ZNF727: variants seen among roughly 807,000 people sequenced by gnomAD.
The protein encoded by ZNF727 is putative zinc finger protein 727.
In ZNF727, 11 loss-of-function variants were observed where a neutral mutation model predicts 11.5. The observed-to-expected ratio is 0.95, with a 90% CI of 0.60 to 1.58. The LOEUF (loss-of-function observed/expected upper bound fraction) is 1.58, where lower values mean the gene tolerates loss of function less well. Ranked by LOEUF, ZNF727 falls within the 40% of genes most tolerant of loss-of-function variation. The pLI is 0.00. For synonymous variants in ZNF727, 171 were observed against 196.1 expected (o/e 0.87, Z 1.07); for missense variants, 533 against 581.7 (o/e 0.92, Z 0.86).
chr7:64,070,450 ATG>A (rs756292112), intron 3 of ZNF727, among the ~76,000 whole-genome samples: 8 of 19,316 alleles, frequency 4.1e-4, no homozygotes, highest in Non-Finnish European at 8.9e-4. Flanking sequence ...GTATATAAAC[ATG>A]TGTATATATG....
intron 1 of ZNF727, among the ~76,000 whole-genome samples, chr7:64,058,371 A>G (rs191160546): frequency 1.7e-3 from 253 of 152,272 alleles, no homozygotes; most frequent in African/African-American, 5.7e-3. Flanking sequence ...CATGCACACT[A>G]TATAATAATT....
At chr7:64,068,787 G>A (rs1789910827) in intron 1 of ZNF727, 104 bp from the exon 2 acceptor site, 13 of 1,311,846 alleles carry the variant, frequency 9.9e-6, no homozygotes, top group Non-Finnish European at 1.4e-5. Flanking sequence ...GATAACTCCA[G>A]TAACTCATAT....
intron 1 of ZNF727, among the ~76,000 whole-genome samples, chr7:64,068,180 C>G (rs537671413): frequency 2.2e-4 from 33 of 152,106 alleles, no homozygotes; most frequent in Middle Eastern, 3.4e-3. Flanking sequence ...TTTTTTCACT[C>G]GAGTTAATTA....
chr7:64,064,894 T>C (rs558777206), intron 1 of ZNF727, among the ~76,000 whole-genome samples: 1 of 152,326 alleles, frequency 6.6e-6, no homozygotes, highest in African/African-American at 2.4e-5. Flanking sequence ...CCATGGATTT[T>C]CTGCCTCTGC....
rs375313641 is a variant in ZNF727, at chr7:64,077,835, C to G, written c.786C>G (p.His262Gln). ...GACCCTACAAATGCGAAGAATGTCA[C>G]AAAGCCTTTAGGTGTTGCTCAGACC... ...GDRPYKCEEC[H>Q]KAFRCCSDLT... is the part of the protein sequence containing the mutation. The change falls in exon 4 of 4, where the codon CAC (histidine) becomes CAG (glutamine). Residue 262 changes from histidine to glutamine, a missense_variant. Transcript: ENST00000456806. The G allele has an allele frequency of 1.2e-4, 180 of 1,564,838 alleles. No homozygotes were observed. The African/African-American group carries it at 2.3e-3, about 20-fold the overall frequency.
Position 64,079,189 on chromosome 7 carries a change from G to A in ZNF727, c.*640G>A, listed in dbSNP as rs374213801. On this transcript the variant is annotated 3_prime_UTR_variant, in exon 4 of 4. Coordinates refer to ENST00000456806, the MANE Select transcript of ZNF727 (RefSeq NM_001159522.3). ...AAGAATGTGGCAAAGTATTGAGCTC[G>A]TTCTCACACGTCATTAGACATAAGA... Among the ~76,000 whole-genome samples, 6 of 152,188 alleles carry A rather than the reference G, an allele frequency of 3.9e-5. No individual in the cohort carries two copies. The East Asian group carries it at 7.7e-4, about 20-fold the overall frequency.
At chr7:64,069,754 A>G (rs1019044986) in intron 3 of ZNF727, 145 bp downstream of exon 3, 53 of 689,374 alleles carry the variant, frequency 7.7e-5, no homozygotes, top group Admixed American at 2.1e-4. Flanking sequence ...TTGCTTTAAC[A>G]TAGGGGAATT....
chr7:64,045,726 C>A, intron 1 of ZNF727, 102 bp downstream of exon 1: 1 of 1,453,778 alleles, frequency 6.9e-7, no homozygotes, highest in Non-Finnish European at 9.4e-7. Context: ...AGCTCTGCAG[C>A]AGCTCCGAGT....
chr7:64,077,381 T>C lies in ZNF727; in HGVS notation c.332T>C (p.Leu111Ser). The change falls in exon 4 of 4, where the codon TTA becomes TCA. Residue 111 changes from leucine (L) to serine (S), a missense_variant. Transcript: ENST00000456806. ...RKSGSCDLNT[L>S]RLKKDYQRVG... Reference sequence around the variant, plus strand: ...TCTGGAAGCTGTGACCTTAATACTTTACGTTTAAAGAAAGACTACCAACGT... The same window carrying C: ...TCTGGAAGCTGTGACCTTAATACTTCACGTTTAAAGAAAGACTACCAACGT... 6.4e-7 allele frequency: 1 copy of C among 1,551,818 alleles called. No homozygotes were observed. Among genetic ancestry groups the C allele is most frequent in the Non-Finnish European group, 8.7e-7 (1 of 1,146,990 alleles).
intron 1 of ZNF727, among the ~76,000 whole-genome samples, chr7:64,047,289 CTTTA>C (rs1789523322): frequency 6.6e-6 from 1 of 152,158 alleles, no homozygotes; most frequent in Non-Finnish European, 1.5e-5. Flanking sequence ...ACTATTAGTC[CTTTA>C]TTTAATTTCA....
At position 64,083,174 on chromosome 7, in the gene ZNF727, G is replaced by C. The variant is rs1261983594; in HGVS notation, c.*4625G>C. On this transcript the variant is annotated 3_prime_UTR_variant, in exon 4 of 4. Transcript: ENST00000456806. Reference sequence around the variant, plus strand: ...GATTGGGGACCTGCTTTAACAGACAGTCTGGCCATGTCTTTTTAGAGCGCC... The same window carrying C: ...GATTGGGGACCTGCTTTAACAGACACTCTGGCCATGTCTTTTTAGAGCGCC... Among the ~76,000 whole-genome samples the C allele has an allele frequency of 6.6e-6, 1 of 152,232 alleles. No individual in the cohort carries two copies. Among genetic ancestry groups the C allele is most frequent in the Non-Finnish European group, 1.5e-5 (1 of 68,050 alleles).
intron 1 of ZNF727, among the ~76,000 whole-genome samples, chr7:64,046,611 G>GC (rs543719708): frequency 1.2e-4 from 18 of 152,194 alleles, no homozygotes; most frequent in East Asian, 3.9e-4. Flanking sequence ...CCTGGGTGGG[G>GC]CCCCCCCAGA....
chr7:64,052,223 T>G (rs766832152), intron 1 of ZNF727, among the ~76,000 whole-genome samples: 4 of 152,150 alleles, frequency 2.6e-5, no homozygotes, highest in Non-Finnish European at 5.9e-5. Flanking sequence ...ACCTTCCAGC[T>G]TAGCTAAAAG....
In ZNF727 at chr7:64,081,872, A is replaced by G. The variant is rs1394373027; in HGVS notation, c.*3323A>G. On this transcript the variant is annotated 3_prime_UTR_variant, in exon 4 of 4. Transcript: ENST00000456806. ...TTGCACTAAACCCTCTGGGTACCAC[A>G]TGAGCTGGGTTGCTGCCCCACCTCT... Among the ~76,000 whole-genome samples the G allele has an allele frequency of 6.6e-6, 1 of 152,082 alleles. No individual in the cohort carries two copies. The highest frequency in any genetic ancestry group is 1.9e-4 in the East Asian group (1 of 5,176).
At chr7:64,068,074 G>C (rs1284335311) in intron 1 of ZNF727, among the ~76,000 whole-genome samples, 2 of 152,074 alleles carry the variant, frequency 1.3e-5, no homozygotes, top group African/African-American at 4.8e-5. Flanking sequence ...TAGCACAGTA[G>C]TGTCATATCC....
chr7:64,075,773 T>C (rs1019213899), intron 3 of ZNF727, among the ~76,000 whole-genome samples: 1 of 152,224 alleles, frequency 6.6e-6, no homozygotes, highest in African/African-American at 2.4e-5. Flanking sequence ...AAGCTACCTA[T>C]GGGGTACTGT....
chr7:64,078,789 A>C lies in ZNF727; in HGVS notation c.*240A>C, dbSNP rs1229162351. On this transcript the variant is annotated 3_prime_UTR_variant, in exon 4 of 4. Coordinates refer to ENST00000456806, the MANE Select transcript of ZNF727 (RefSeq NM_001159522.3). Reference sequence around the variant, plus strand: ...CTGTGTTTCTCAGACCTGACTAATCAAAAGAGAATTCACCCTGGAGAGAAT... The same window carrying C: ...CTGTGTTTCTCAGACCTGACTAATCCAAAGAGAATTCACCCTGGAGAGAAT... Among the ~76,000 whole-genome samples, 2 of 152,172 alleles carry C rather than the reference A, an allele frequency of 1.3e-5. No homozygotes were observed. Among genetic ancestry groups the C allele is most frequent in the Non-Finnish European group, 2.9e-5 (2 of 68,020 alleles).
At chr7:64,066,421 C>T (rs895958111) in intron 1 of ZNF727, among the ~76,000 whole-genome samples, 6 of 152,112 alleles carry the variant, frequency 3.9e-5, no homozygotes, top group Non-Finnish European at 5.9e-5. Flanking sequence ...GCTACAGTAA[C>T]CAAAACAGCA....
At chr7:64,045,766 C>T (rs756721988) in intron 1 of ZNF727, 142 bp downstream of exon 1, 2 of 1,094,652 alleles carry the variant, frequency 1.8e-6, no homozygotes, top group Non-Finnish European at 1.3e-6. Context: ...TCCTCACTTC[C>T]CTCCGTCGCA....
Sources: allele counts gnomAD v4.1 joint callset (sites outside exome capture counted in the v4.1 genomes callset), GRCh38; gene constraint gnomAD v4.1.1; transcripts MANE v1.5; gene names NCBI Gene and HGNC (gene_info 2026-07-23, HGNC 2026-07-21).